KPNA1: variants seen among roughly 807,000 people sequenced by gnomAD.
The protein encoded by KPNA1 is importin subunit alpha-5.
A neutral mutation model predicts 70.5 loss-of-function variants in KPNA1; 10 were observed. That is an observed-to-expected ratio of 0.14 (90% CI 0.09 to 0.24). The LOEUF is 0.24. Among genes scored for constraint, KPNA1 ranks in the 10% least tolerant of loss-of-function variants. KPNA1 has a pLI of 1.00. For synonymous variants in KPNA1, 192 were observed against 221.9 expected (o/e 0.87, Z 1.20); for missense variants, 397 against 637.9 (o/e 0.62, Z 4.07).
intron 10 of KPNA1, among the ~76,000 whole-genome samples, chr3:122,439,214 G>T (rs1052837455): frequency 6.6e-6 from 1 of 152,060 alleles, no homozygotes. Flanking sequence ...ACATAGTCTC[G>T]TTCTATCACT....
intron 2 of KPNA1, among the ~76,000 whole-genome samples, chr3:122,486,788 A>G (rs886812815): frequency 1.4e-4 from 21 of 151,916 alleles, no homozygotes; most frequent in African/African-American, 4.6e-4. Context: ...GGGTTTCACC[A>G]ATGTTAGCCA....
At chr3:122,447,480 T>C (rs1380253939) in intron 9 of KPNA1, among the ~76,000 whole-genome samples, 1 of 152,230 alleles carries the variant, frequency 6.6e-6, no homozygotes, top group Non-Finnish European at 1.5e-5. Context: ...CAGCCCTTCA[T>C]GCTAAAAACT....
rs1343778755 is a variant in KPNA1, at chr3:122,423,280, A to G, written c.*3705T>C. ...ATACTTAATCTGTTCAGCTCACAAC[A>G]GAGAGAAATGGTCATATTGAGATGG... On this transcript the variant is annotated 3_prime_UTR_variant, in exon 14 of 14. Coordinates refer to ENST00000344337, the MANE Select transcript of KPNA1 (RefSeq NM_002264.4). The G allele has an allele frequency of 6.6e-6, 1 of 152,218 alleles. No homozygotes were observed. Among genetic ancestry groups the G allele is most frequent in the African/African-American group, 2.4e-5 (1 of 41,446 alleles). The allele number at this position is 152,218 out of a possible 1,614,324, so 9.4% of individuals were successfully genotyped here.
At chr3:122,495,198 C>T (rs11720985) in intron 2 of KPNA1, among the ~76,000 whole-genome samples, 35,088 of 145,494 alleles carry the variant, frequency 0.24, 5,066 homozygotes, top group Admixed American at 0.35. Context: ...TGCAGCGAGC[C>T]AAGATCACGC....
rs150048445 is a variant in KPNA1 at position 122,440,166 on chromosome 3, C to T, written c.996+1872G>A. 1.2e-3 allele frequency among the ~76,000 whole-genome samples: 186 copies of T among 152,120 alleles called. 2 individuals carry two copies. Among genetic ancestry groups the T allele is most frequent in the African/African-American group, 4.1e-3 (170 of 41,474 alleles). On this transcript the variant is annotated intron_variant, in intron 10 of 13. Transcript: ENST00000344337. ...CACAGAAATAAACACTGACATAATC[C>T]ACCTCTAGAATCTTAAAATCTAGTA...
rs564133128 is a variant in KPNA1 at position 122,431,429 on chromosome 3, T to A, written c.1250+2232A>T. Among the ~76,000 whole-genome samples the A allele has an allele frequency of 7.9e-5, 12 of 152,302 alleles. No homozygotes were observed. In the East Asian group the frequency reaches 2.3e-3, roughly 29 times the overall value. On this transcript the variant is annotated intron_variant, in intron 12 of 13. Coordinates refer to ENST00000344337, the MANE Select transcript of KPNA1 (RefSeq NM_002264.4). ...GCCTTGTCCTCCCAAAGTGCTGGAA[T>A]TACAGACATGAGCCACCACACCCGG...
intron 2 of KPNA1, among the ~76,000 whole-genome samples, chr3:122,492,107 G>A (rs4677956): frequency 0.22 from 33,978 of 151,612 alleles, 4,227 homozygotes; most frequent in Non-Finnish European, 0.27. Context: ...TGATCCGCCC[G>A]TCTCGGCCTC....
intron 2 of KPNA1, among the ~76,000 whole-genome samples, chr3:122,477,214 A>G (rs550993166): frequency 4.5e-4 from 69 of 152,210 alleles, no homozygotes; most frequent in Non-Finnish European, 7.8e-4. Context: ...GTGGAATCTA[A>G]AAAAGCCAAA....
At chr3:122,514,514 G>C (rs1175567650) in intron 1 of KPNA1, 1 of 152,282 alleles carries the variant, frequency 6.6e-6, no homozygotes, top group East Asian at 2.0e-4. Flanking sequence ...CTCGACCGGC[G>C]TTCCCGATGG....
intron 12 of KPNA1, among the ~76,000 whole-genome samples, chr3:122,432,153 A>G (rs1560015765): frequency 6.6e-6 from 1 of 152,210 alleles, no homozygotes; most frequent in Non-Finnish European, 1.5e-5. Context: ...AGAGACAATT[A>G]ATAACTATAA....
chr3:122,482,845 T>TA (rs1348702878), intron 2 of KPNA1: 4 of 152,174 alleles, frequency 2.6e-5, no homozygotes, highest in African/African-American at 9.7e-5. Flanking sequence ...AAAGATGACC[T>TA]AACCCCCGCA....
chr3:122,472,298 A>AC (rs1219296493), intron 2 of KPNA1, among the ~76,000 whole-genome samples: 2 of 152,190 alleles, frequency 1.3e-5, no homozygotes, highest in African/African-American at 4.8e-5. Context: ...TTTAAAAAAA[A>AC]CCCAAGTACT....
intron 9 of KPNA1, chr3:122,442,920 T>A (rs2076083925): frequency 6.6e-6 from 1 of 152,318 alleles, no homozygotes; most frequent in South Asian, 2.1e-4. Context: ...CATCACCAAC[T>A]GAGGTACCTG....
At chr3:122,511,594 T>C (rs2076955772) in intron 1 of KPNA1, among the ~76,000 whole-genome samples, 1 of 152,234 alleles carries the variant, frequency 6.6e-6, no homozygotes, top group Admixed American at 6.5e-5. Flanking sequence ...GCAGGCCCTA[T>C]CTGGCCCTCA....
At chr3:122,500,390 G>A (rs1333313863) in intron 1 of KPNA1, among the ~76,000 whole-genome samples, 1 of 152,090 alleles carries the variant, frequency 6.6e-6, no homozygotes, top group South Asian at 2.1e-4. Context: ...CCAAAGTGCT[G>A]GGATTATAGG....
At chr3:122,482,802 T>G in intron 2 of KPNA1, among the ~76,000 whole-genome samples, 1 of 152,148 alleles carries the variant, frequency 6.6e-6, no homozygotes, top group East Asian at 1.9e-4. Context: ...GTAAGACCTA[T>G]ACACCAAAAA....
At chr3:122,456,136 A>C (rs956654842) in intron 5 of KPNA1, among the ~76,000 whole-genome samples, 1 of 152,220 alleles carries the variant, frequency 6.6e-6, no homozygotes, top group Non-Finnish European at 1.5e-5. Context: ...CTAGTTCAAG[A>C]AATTTTAAAT....
rs569840967 is a variant in KPNA1 at position 122,470,832 on chromosome 3, C to T, written c.130-3403G>A. ...ACAAAGGCAGAAAAAGAGTGAAAGA[C>T]AAAACTAGAAACAAAAAAAAAAGGC... On this transcript the variant is annotated intron_variant, in intron 2 of 13. Transcript: ENST00000344337. Among the ~76,000 whole-genome samples the T allele has an allele frequency of 9.3e-5, 14 of 150,038 alleles. No homozygotes were observed. The East Asian group carries it at 2.7e-3, about 29-fold the overall frequency.
intron 2 of KPNA1, among the ~76,000 whole-genome samples, chr3:122,468,115 AAAT>A (rs2107750653): frequency 6.6e-6 from 1 of 152,348 alleles, no homozygotes; most frequent in South Asian, 2.1e-4. Context: ...AAAATACATA[AAAT>A]AATGTTTCAG....
Sources: allele counts gnomAD v4.1 joint callset (sites outside exome capture counted in the v4.1 genomes callset), GRCh38; gene constraint gnomAD v4.1.1; transcripts MANE v1.5; gene names NCBI Gene and HGNC (gene_info 2026-07-23, HGNC 2026-07-21).